Variants in DCC observed in about 807,000 individuals in gnomAD.
The protein encoded by DCC is DCC netrin 1 receptor, also known as netrin receptor DCC.
A neutral mutation model predicts 172.5 loss-of-function variants in DCC; 58 were observed. The observed-to-expected ratio is 0.34, with a 90% CI of 0.27 to 0.42. DCC has a LOEUF of 0.42. DCC is among the 10% of genes least tolerant of loss of function. The pLI, the probability that DCC is intolerant of heterozygous loss-of-function variation, is 1.00. For missense variants in DCC, 1,740 were observed against 1,791.0 expected (o/e 0.97, Z 0.51); for synonymous variants, 709 against 644.5 (o/e 1.10, Z -1.52).
At chr18:52,844,073 A>T (rs902809356) in intron 2 of DCC, among the ~76,000 whole-genome samples, 8 of 152,184 alleles carry the variant, frequency 5.3e-5, no homozygotes, top group African/African-American at 1.9e-4. Flanking sequence ...CTCTTTGCCC[A>T]ATTTTCTTGT....
intron 12 of DCC, among the ~76,000 whole-genome samples, chr18:53,226,948 A>ATATATATATATATTTTTTTTTT: frequency 6.2e-4 from 33 of 52,918 alleles, no homozygotes; most frequent in Admixed American, 1.4e-3. Context: ...ATATATATAT[A>ATATATATATATATTTTTTTTTT]TTTTTTTTTT....
chr18:52,703,729 A>AT (rs35250941), intron 1 of DCC, among the ~76,000 whole-genome samples: 11,658 of 149,228 alleles, frequency 0.078, 587 homozygotes, highest in East Asian at 0.16. Flanking sequence ...ATTGCAAAGA[A>AT]TTTTTTTTTT....
intron 12 of DCC, among the ~76,000 whole-genome samples, chr18:53,246,371 A>C (rs1426268846): frequency 1.3e-5 from 2 of 152,010 alleles, no homozygotes; most frequent in African/African-American, 4.8e-5. Flanking sequence ...TTACATATTA[A>C]AATATTCAGC....
At chr18:53,350,136 A>C (rs2057772887) in intron 15 of DCC, among the ~76,000 whole-genome samples, 1 of 152,198 alleles carries the variant, frequency 6.6e-6, no homozygotes, top group African/African-American at 2.4e-5. Context: ...ACTGATATTA[A>C]ACAAACATGG....
intron 7 of DCC, among the ~76,000 whole-genome samples, chr18:53,084,251 C>T (rs755233549): frequency 6.6e-6 from 1 of 152,068 alleles, no homozygotes; most frequent in East Asian, 1.9e-4. Context: ...AAGCCACCAG[C>T]CTTACTCCTA....
At chr18:53,269,091 C>CGTGT (rs140352533) in intron 12 of DCC, among the ~76,000 whole-genome samples, 86 of 149,434 alleles carry the variant, frequency 5.8e-4, no homozygotes, top group African/African-American at 1.4e-3. Flanking sequence ...GATGTGTGTG[C>CGTGT]GTGTGTGTGT....
intron 13 of DCC, among the ~76,000 whole-genome samples, chr18:53,312,949 G>GA (rs554117007): frequency 2.3e-5 from 3 of 130,518 alleles, no homozygotes; most frequent in Non-Finnish European, 5.1e-5. Flanking sequence ...AGGGAGGGGA[G>GA]GGAAGGGAGG....
chr18:52,858,217 T>C (rs1274293840), intron 2 of DCC, among the ~76,000 whole-genome samples: 10 of 152,194 alleles, frequency 6.6e-5, no homozygotes, highest in African/African-American at 2.2e-4. Context: ...ATTTTACAGA[T>C]GGAGAAATGG....
In DCC at chr18:52,585,975, C is replaced by G. The variant is rs56072178; in HGVS notation, c.92-166079C>G. 7.4e-3 allele frequency among the ~76,000 whole-genome samples: 1,101 copies of G among 147,962 alleles called. 12 individuals carry two copies. The highest frequency in any genetic ancestry group is 0.018 in the Middle Eastern group (5 of 282). On this transcript the variant is annotated intron_variant, in intron 1 of 28. Coordinates refer to ENST00000442544, the MANE Select transcript of DCC (RefSeq NM_005215.4). ...GCGGGCCCCTGTAGTCCCAGCTACT[C>G]GGGAGGCTGAGGCAGGAGAATGGCG...
In DCC at chr18:53,450,641, G is replaced by T; in HGVS notation, c.3371G>T (p.Arg1124Leu). 6.2e-7 allele frequency: 1 copy of T among 1,613,670 alleles called. No individual in the cohort carries two copies. Among genetic ancestry groups the T allele is most frequent in the Non-Finnish European group, 8.5e-7 (1 of 1,179,658 alleles). Residue 1124 changes from arginine (R) to leucine (L), a missense_variant, in exon 23 of 29, where the codon CGC becomes CTC. Arg to Leu is a moderately radical substitution (Grantham distance 102, BLOSUM62 -2). Coordinates refer to ENST00000442544, the MANE Select transcript of DCC (RefSeq NM_005215.4). ...VVIVAVICTR[R>L]SSAQQRKKRA... Reference sequence around the variant, plus strand: ...ATCGTGGCTGTGATTTGCACCCGACGCTCTTCAGCCCAGCAGAGAAAGTAG... The same window carrying T: ...ATCGTGGCTGTGATTTGCACCCGACTCTCTTCAGCCCAGCAGAGAAAGTAG...
intron 1 of DCC, among the ~76,000 whole-genome samples, chr18:52,558,629 C>T (rs62083381): frequency 0.068 from 10,359 of 152,248 alleles, 446 homozygotes; most frequent in Middle Eastern, 0.11. Context: ...GGGTTTATCA[C>T]ACCCATGTAG....
intron 2 of DCC, among the ~76,000 whole-genome samples, chr18:52,846,288 T>G (rs926973654): frequency 6.6e-6 from 1 of 152,142 alleles, no homozygotes; most frequent in Admixed American, 6.5e-5. Flanking sequence ...ATGCCTGTAA[T>G]CCCTGCACTT....
intron 1 of DCC, among the ~76,000 whole-genome samples, chr18:52,468,069 G>A (rs1270094657): frequency 6.6e-6 from 1 of 152,152 alleles, no homozygotes; most frequent in Non-Finnish European, 1.5e-5. Flanking sequence ...CTAAGTAATA[G>A]TTATGTTCAT....
intron 7 of DCC, among the ~76,000 whole-genome samples, chr18:53,085,789 T>A (rs1314296543): frequency 6.6e-6 from 1 of 151,840 alleles, no homozygotes; most frequent in African/African-American, 2.4e-5. Context: ...ACAAAGTTAC[T>A]CATTTTCAGA....
chr18:52,587,069 T>C (rs565382816), intron 1 of DCC, among the ~76,000 whole-genome samples: 1 of 152,326 alleles, frequency 6.6e-6, no homozygotes, highest in South Asian at 2.1e-4. Context: ...ATAGCCGTAG[T>C]AAGTGTGTAT....
At chr18:53,309,958 G>T (rs74890805) in intron 13 of DCC, among the ~76,000 whole-genome samples, 1 of 61,834 alleles carries the variant, frequency 1.6e-5, no homozygotes, top group Non-Finnish European at 3.2e-5. Flanking sequence ...GTATATATAC[G>T]TGTGTGTATA....
chr18:53,229,012 T>C (rs996750887), intron 12 of DCC, among the ~76,000 whole-genome samples: 2 of 152,174 alleles, frequency 1.3e-5, no homozygotes, highest in African/African-American at 4.8e-5. Context: ...GAGTATAATA[T>C]ACATTTCCTA....
intron 1 of DCC, among the ~76,000 whole-genome samples, chr18:52,710,138 G>A (rs559572017): frequency 6.6e-6 from 1 of 152,322 alleles, no homozygotes; most frequent in South Asian, 2.1e-4. Flanking sequence ...TATTTACAAA[G>A]ATGCTTATTG....
At chr18:53,180,545 A>G (rs966769243) in intron 9 of DCC, among the ~76,000 whole-genome samples, 7 of 152,218 alleles carry the variant, frequency 4.6e-5, no homozygotes, top group Admixed American at 2.6e-4. Context: ...TTTGCTGCCT[A>G]TGAGCTGGTC....
Sources: gnomAD v4.1 joint callset for allele counts (sites outside exome capture counted in the v4.1 genomes callset) on GRCh38, gnomAD v4.1.1 for gene constraint, MANE v1.5 for transcripts, NCBI Gene and HGNC (gene_info 2026-07-23, HGNC 2026-07-21) for gene names.